Variants in RCSD1 observed in about 807,000 individuals in gnomAD.
The protein encoded by RCSD1 is RCSD domain containing 1.
RCSD1 carries 26 observed loss-of-function variants against 42.5 expected under a neutral mutation model. That is an observed-to-expected ratio of 0.61 (90% CI 0.45 to 0.85). The LOEUF (loss-of-function observed/expected upper bound fraction) is 0.85. Ranked by LOEUF, RCSD1 falls within the 40% of genes least tolerant of loss-of-function variation. RCSD1 has a pLI of 0.00. For synonymous variants in RCSD1, 220 were observed against 212.2 expected (o/e 1.04, Z -0.32); for missense variants, 571 against 528.3 (o/e 1.08, Z -0.79).
chr1:167,655,173 A>G (rs2102209827), intron 1 of RCSD1, among the ~76,000 whole-genome samples: 1 of 152,210 alleles, frequency 6.6e-6, no homozygotes, highest in South Asian at 2.1e-4. Flanking sequence ...TTAAGTTTAG[A>G]CACTTGGAAC....
chr1:167,641,757 T>C (rs571809653), intron 1 of RCSD1: 1 of 152,250 alleles, frequency 6.6e-6, no homozygotes, highest in African/African-American at 2.4e-5. Context: ...GCCCTCAAGA[T>C]TCATACAGTC....
At chr1:167,699,522 T>A (rs1659590135) in intron 6 of RCSD1, among the ~76,000 whole-genome samples, 1 of 152,172 alleles carries the variant, frequency 6.6e-6, no homozygotes, top group Non-Finnish European at 1.5e-5. Flanking sequence ...TCACACGGCC[T>A]TTCACTGTTA....
intron 1 of RCSD1, among the ~76,000 whole-genome samples, chr1:167,675,047 A>G (rs1364032565): frequency 6.6e-6 from 1 of 151,990 alleles, no homozygotes; most frequent in Non-Finnish European, 1.5e-5. Context: ...TCTACTAAAA[A>G]TACAAAAAAT....
At position 167,690,118 on chromosome 1, in the gene RCSD1, C is replaced by T. The variant is rs1427918429; in HGVS notation, c.268C>T (p.Gln90Ter). Residue 90 changes from glutamine (Q) to a stop codon, truncating the protein, a stop_gained and splice_region_variant, in exon 4 of 7, where the codon CAG becomes TAG. Transcript: ENST00000367854. LOFTEE classifies it high-confidence loss of function. Reference protein sequence around the residue: ...VKSSPLIEKLQANLTFDPAAL... With the variant: ...VKSSPLIEKL ...GAGCTCGCCTCTGATTGAGAAGCTT[C>T]AGGTAAGTGCAGAATTCATTGTCTA... 1.2e-6 allele frequency: 2 copies of T among 1,613,838 alleles called. No individual in the cohort carries two copies. Among genetic ancestry groups the T allele is most frequent in the Admixed American group, 3.3e-5 (2 of 59,988 alleles).
Position 167,697,373 on chromosome 1 carries a change from AG to A in RCSD1, c.751del (p.Glu251ArgfsTer67), listed in dbSNP as rs745800457. 6.2e-7 allele frequency: 1 copy of A among 1,614,002 alleles called. No individual in the cohort carries two copies. Among genetic ancestry groups the A allele is most frequent in the Admixed American group, 1.7e-5 (1 of 60,008 alleles). ...TCACCCAGCAGGACAGAGAAGCAGG[AG>A]GAGGACAGGGCCACAGAGGAAGCCA... ...RRSPSRTEKQ[E>X]EDRATEEAKN... On this transcript the variant is annotated frameshift_variant, in exon 6 of 7. Transcript: ENST00000367854. LOFTEE classifies it high-confidence loss of function.
rs114545406 is a variant in RCSD1, at chr1:167,640,693, G to A, written c.6+10264G>A. ...ATCCTCCTGAGTAGCTGGACTATAG[G>A]CGTGCACCACCACACCCAGGTAATG... On this transcript the variant is annotated intron_variant, in intron 1 of 6. Transcript: ENST00000367854. 3.1e-3 allele frequency: 467 copies of A among 152,300 alleles called. 2 individuals are homozygous for A. Among genetic ancestry groups the A allele is most frequent in the African/African-American group, 0.011 (436 of 41,498 alleles). The allele number at this position is 152,300 out of a possible 1,614,324, so 9.4% of individuals were successfully genotyped here.
intron 1 of RCSD1, among the ~76,000 whole-genome samples, chr1:167,674,559 A>G (rs73033846): frequency 0.014 from 2,159 of 152,342 alleles, 55 homozygotes; most frequent in African/African-American, 0.048. Flanking sequence ...AACCACCACC[A>G]CAGTCAATTT....
At chr1:167,639,181 C>A (rs1657942574) in intron 1 of RCSD1, among the ~76,000 whole-genome samples, 2 of 152,182 alleles carry the variant, frequency 1.3e-5, no homozygotes, top group South Asian at 4.1e-4. Flanking sequence ...CACGCCACTG[C>A]ACTCCAGCCT....
intron 4 of RCSD1, 89 bp downstream of exon 4, chr1:167,690,209 A>T: frequency 1.7e-6 from 2 of 1,183,892 alleles, no homozygotes; most frequent in Non-Finnish European, 2.5e-6. Context: ...TCATAGGGGT[A>T]GCCTATGTGT....
At chr1:167,692,316 C>T (rs1659395667) in intron 4 of RCSD1, among the ~76,000 whole-genome samples, 1 of 152,186 alleles carries the variant, frequency 6.6e-6, no homozygotes, top group African/African-American at 2.4e-5. Flanking sequence ...CACAATTCAA[C>T]TTTTCTGCTA....
At chr1:167,690,165 C>T (rs1659342707) in intron 4 of RCSD1, 45 bp downstream of exon 4, 2 of 1,580,026 alleles carry the variant, frequency 1.3e-6, no homozygotes, top group Non-Finnish European at 1.7e-6. Context: ...TATCTAACTC[C>T]ACTTCTTATC....
intron 5 of RCSD1, among the ~76,000 whole-genome samples, chr1:167,694,872 A>G (rs1030103935): frequency 3.3e-5 from 5 of 152,138 alleles, no homozygotes; most frequent in Non-Finnish European, 5.9e-5. Context: ...CCTCTGTGTG[A>G]GCTTTCATCA....
intron 1 of RCSD1, among the ~76,000 whole-genome samples, chr1:167,658,547 T>C (rs1658474138): frequency 6.6e-6 from 1 of 152,172 alleles, no homozygotes; most frequent in African/African-American, 2.4e-5. Flanking sequence ...TGCCTCAGCC[T>C]CCTGAGTAAC....
chr1:167,692,125 A>C (rs1659392027), intron 4 of RCSD1, among the ~76,000 whole-genome samples: 1 of 152,212 alleles, frequency 6.6e-6, no homozygotes, highest in Non-Finnish European at 1.5e-5. Context: ...CTAGTTGTTC[A>C]ATCTCATTAA....
chr1:167,634,665 C>T (rs779260277), intron 1 of RCSD1, among the ~76,000 whole-genome samples: 41 of 152,132 alleles, frequency 2.7e-4, no homozygotes, highest in Non-Finnish European at 4.7e-4. Context: ...GTATAATTTT[C>T]GCTGACTAAA....
At chr1:167,651,242 C>T (rs1423348004) in intron 1 of RCSD1, among the ~76,000 whole-genome samples, 1 of 152,228 alleles carries the variant, frequency 6.6e-6, no homozygotes, top group East Asian at 1.9e-4. Flanking sequence ...GACAATGCCA[C>T]CAGCCTGGAG....
chr1:167,679,159 A>G (rs1659021778), intron 1 of RCSD1, among the ~76,000 whole-genome samples: 1 of 152,236 alleles, frequency 6.6e-6, no homozygotes, highest in Non-Finnish European at 1.5e-5. Flanking sequence ...TTAGTACAGC[A>G]TGTTGGTGTG....
chr1:167,633,814 A>C (rs1657761344), intron 1 of RCSD1: 1 of 152,254 alleles, frequency 6.6e-6, no homozygotes, highest in Admixed American at 6.5e-5. Context: ...CAGGTGAGAA[A>C]GCATCTTTTC....
At chr1:167,642,300 A>G (rs1193977403) in intron 1 of RCSD1, among the ~76,000 whole-genome samples, 1 of 143,628 alleles carries the variant, frequency 7.0e-6, no homozygotes, top group Non-Finnish European at 1.5e-5. Flanking sequence ...CAGGCTGACA[A>G]GAGGGGGAAA....
Sources: gnomAD v4.1 joint callset for allele counts (sites outside exome capture counted in the v4.1 genomes callset) on GRCh38, gnomAD v4.1.1 for gene constraint, MANE v1.5 for transcripts, NCBI Gene and HGNC (gene_info 2026-07-23, HGNC 2026-07-21) for gene names.